RNF212B: variants seen among roughly 807,000 people sequenced by gnomAD.
RNF212B encodes ring finger protein 212B.
In RNF212B, 52 loss-of-function variants were observed where a neutral mutation model predicts 55.5. That is an observed-to-expected ratio of 0.94 (90% CI 0.75 to 1.18). The LOEUF (loss-of-function observed/expected upper bound fraction) is 1.18. RNF212B is among the 50% of genes most tolerant of loss of function. The pLI is 0.00. For synonymous variants in RNF212B, 99 were observed against 121.4 expected, an observed-to-expected ratio of 0.82 and a Z score of 1.21; for missense variants, 289 against 350.4, an observed-to-expected ratio of 0.82 and a Z score of 1.40.
chr14:23,238,308 C>A (rs949684655), intron 1 of RNF212B, among the ~76,000 whole-genome samples: 1 of 152,054 alleles, frequency 6.6e-6, no homozygotes, highest in Admixed American at 6.6e-5. Context: ...GTATCACGAT[C>A]GAACAAATAG....
intron 2 of RNF212B, among the ~76,000 whole-genome samples, chr14:23,196,889 G>A (rs1878769625): frequency 6.6e-6 from 1 of 152,110 alleles, no homozygotes. Context: ...CCTGGCCCTA[G>A]AGTGTGTTCT....
chr14:23,241,874 G>C (rs978006340), intron 2 of RNF212B, among the ~76,000 whole-genome samples: 1 of 151,290 alleles, frequency 6.6e-6, no homozygotes, highest in Admixed American at 6.6e-5. Context: ...ACAAGGTCGG[G>C]AGATTGAGAC....
upstream of RNF212B, among the ~76,000 whole-genome samples, chr14:23,236,331 C>A (rs548416015): frequency 3.3e-5 from 5 of 152,110 alleles, no homozygotes; most frequent in African/African-American, 4.8e-5. Context: ...CTGGCCAACA[C>A]GGTGAAACCC....
At chr14:23,236,384 A>G (rs1363596987), upstream of RNF212B, among the ~76,000 whole-genome samples, 1 of 152,060 alleles carries the variant, frequency 6.6e-6, no homozygotes, top group Non-Finnish European at 1.5e-5. Context: ...GCGTAATGGC[A>G]GGCGCCTGTA....
intron 4 of RNF212B, among the ~76,000 whole-genome samples, chr14:23,252,131 A>G (rs1313933042): frequency 6.6e-6 from 1 of 152,064 alleles, no homozygotes; most frequent in East Asian, 1.9e-4. Flanking sequence ...CAACCCTCTA[A>G]ACAGTGTTTG....
chr14:23,197,256 G>A (rs1878808737), intron 2 of RNF212B, among the ~76,000 whole-genome samples: 2 of 152,246 alleles, frequency 1.3e-5, no homozygotes, highest in Admixed American at 6.5e-5. Context: ...GCCAGGCACT[G>A]TGGCTCACGC....
chr14:23,257,149 T>A (rs1884896609), intron 4 of RNF212B, among the ~76,000 whole-genome samples: 1 of 89,930 alleles, frequency 1.1e-5, no homozygotes, highest in African/African-American at 4.3e-5. Context: ...CGAGACTCAG[T>A]CACACACACA....
At chr14:23,250,273 G>A (rs918445438) in intron 4 of RNF212B, among the ~76,000 whole-genome samples, 1 of 152,144 alleles carries the variant, frequency 6.6e-6, no homozygotes, top group South Asian at 2.1e-4. Flanking sequence ...GAGGTCAGGG[G>A]TTCAAGATCA....
intron 2 of RNF212B, among the ~76,000 whole-genome samples, chr14:23,229,683 T>A (rs1277413545): frequency 6.6e-6 from 1 of 152,220 alleles, no homozygotes; most frequent in African/African-American, 2.4e-5. Flanking sequence ...TTCTATATCT[T>A]CTTTGTAGAA....
intron 2 of RNF212B, among the ~76,000 whole-genome samples, chr14:23,208,320 T>A (rs1880057050): frequency 6.6e-6 from 1 of 152,100 alleles, no homozygotes; most frequent in Non-Finnish European, 1.5e-5. Flanking sequence ...TGAGACCCTG[T>A]CCCTCCAAAA....
intron 2 of RNF212B, among the ~76,000 whole-genome samples, chr14:23,195,661 C>T (rs760469969): frequency 1.3e-5 from 2 of 152,178 alleles, no homozygotes; most frequent in African/African-American, 2.4e-5. Context: ...CTCCCGACAG[C>T]ACATCCACCC....
chr14:23,194,760 A>G (rs1417481902), intron 2 of RNF212B, among the ~76,000 whole-genome samples: 1 of 149,388 alleles, frequency 6.7e-6, no homozygotes, highest in East Asian at 2.0e-4. Flanking sequence ...AAAAAAAACA[A>G]CGCTGCTGTA....
chr14:23,194,555 T>C (rs114254540), intron 2 of RNF212B, among the ~76,000 whole-genome samples: 11,156 of 151,934 alleles, frequency 0.073, 495 homozygotes, highest in South Asian at 0.22. Context: ...CTGGGCAACA[T>C]GGTGAAACTG....
chr14:23,192,214 C>G (rs887855619), intron 1 of RNF212B, among the ~76,000 whole-genome samples: 2 of 152,148 alleles, frequency 1.3e-5, no homozygotes, highest in Non-Finnish European at 2.9e-5. Context: ...ATAAATCATG[C>G]TGCTATAAAG....
At chr14:23,230,552 G>A (rs1882509962) in intron 2 of RNF212B, among the ~76,000 whole-genome samples, 1 of 149,422 alleles carries the variant, frequency 6.7e-6, no homozygotes, top group Non-Finnish European at 1.5e-5. Flanking sequence ...TACTCGGGAA[G>A]CTGAGGCAGG....
At chr14:23,190,869 T>A (rs1450904087) in intron 1 of RNF212B, among the ~76,000 whole-genome samples, 1 of 152,186 alleles carries the variant, frequency 6.6e-6, no homozygotes. Context: ...CACGTGGTCC[T>A]CCAGTCTCAT....
intron 2 of RNF212B, among the ~76,000 whole-genome samples, chr14:23,216,617 C>T (rs1381712848): frequency 4.0e-5 from 6 of 151,194 alleles, no homozygotes; most frequent in African/African-American, 7.3e-5. Flanking sequence ...TGGTGGCTCA[C>T]GCCTGTAATC....
intron 2 of RNF212B, among the ~76,000 whole-genome samples, chr14:23,207,120 A>G (rs1879920901): frequency 6.6e-6 from 1 of 152,202 alleles, no homozygotes; most frequent in African/African-American, 2.4e-5. Flanking sequence ...AAATGCTGCT[A>G]TTTCAGAAGT....
At chr14:23,262,363 A>G (rs2140475783) in intron 7 of RNF212B, among the ~76,000 whole-genome samples, 1 of 152,328 alleles carries the variant, frequency 6.6e-6, no homozygotes, top group East Asian at 1.9e-4. Context: ...ATGGATGGAC[A>G]GATGTATGGT....
Sources: gnomAD v4.1 joint callset for allele counts (sites outside exome capture counted in the v4.1 genomes callset) on GRCh38, gnomAD v4.1.1 for gene constraint, MANE v1.5 for transcripts, NCBI Gene and HGNC (gene_info 2026-07-23, HGNC 2026-07-21) for gene names.